The following ZMYM2 variants were observed in gnomAD, a reference collection of about 807,000 sequenced individuals.
The protein encoded by ZMYM2 is zinc finger MYM-type containing 2, also known as zinc finger MYM-type protein 2.
Under a neutral mutation model 162.8 loss-of-function variants are expected in ZMYM2, and 56 were observed. The ratio of observed to expected loss-of-function variants is 0.34; its 90% confidence interval spans 0.28 to 0.43. The LOEUF (loss-of-function observed/expected upper bound fraction) is 0.43. ZMYM2 is among the 20% of genes least tolerant of loss of function. The pLI, the probability that ZMYM2 is intolerant of heterozygous loss-of-function variation, is 1.00. For synonymous variants in ZMYM2, 510 were observed against 541.6 expected (o/e 0.94, Z 0.81); for missense variants, 1,275 against 1,621.8 (o/e 0.79, Z 3.67).
chr13:20,059,703 AATATGGGCGGCCCTCT>A lies in ZMYM2; in HGVS notation c.2739+146_2739+161del, dbSNP rs1956088319. 1.7e-5 allele frequency: 11 copies of A among 647,222 alleles called. No individual in the cohort carries two copies. The South Asian group carries it at 1.9e-4, about 11-fold the overall frequency. The allele number at this position is 647,222 out of a possible 1,614,324, so 40.1% of individuals were successfully genotyped here. On this transcript the variant is annotated intron_variant, in intron 16 of 24. Coordinates refer to ENST00000610343, the MANE Select transcript of ZMYM2 (RefSeq NM_197968.4). Reference sequence around the variant, plus strand: ...GGATGATTTTTTTTTTTCCCCAATAAATATGGGCGGCCCTCTATATTGGCAGGTTCCACATCCGTGA... The same window carrying A: ...GGATGATTTTTTTTTTTCCCCAATAAATATTGGCAGGTTCCACATCCGTGA...
chr13:19,987,703 A>G (rs1481830967), intron 2 of ZMYM2, among the ~76,000 whole-genome samples: 2 of 146,514 alleles, frequency 1.4e-5, no homozygotes, highest in Admixed American at 6.9e-5. Context: ...CTGGTCTCGA[A>G]CTCCTGAGCT....
chr13:20,020,229 C>T (rs1951955149), intron 7 of ZMYM2, among the ~76,000 whole-genome samples: 1 of 147,152 alleles, frequency 6.8e-6, no homozygotes, highest in African/African-American at 2.4e-5. Context: ...ATTATTATTC[C>T]TCTTCTTTTT....
At position 20,004,956 on chromosome 13, in the gene ZMYM2, T is replaced by G. The variant is rs915628274; in HGVS notation, c.1134-118T>G. 5.5e-6 allele frequency: 4 copies of G among 722,420 alleles called. No homozygotes were observed. In the South Asian group the frequency reaches 1.0e-4, roughly 19 times the overall value. The allele number at this position is 722,420 out of a possible 1,614,324, so 44.8% of individuals were successfully genotyped here. A position where few individuals can be genotyped will look rare whatever the true frequency, so the allele number is the denominator to read the frequency against. The stretch of plus-strand genomic sequence containing the variant: ...TGTCTAATAAAAATGATTTATTAGA[T>G]CCAAGAATGATGTTTGATTTGCAGG... On this transcript the variant is annotated intron_variant, in intron 4 of 24. Transcript: ENST00000610343.
chr13:19,995,474 A>T (rs918811121), intron 3 of ZMYM2, among the ~76,000 whole-genome samples: 1 of 152,184 alleles, frequency 6.6e-6, no homozygotes, highest in African/African-American at 2.4e-5. Context: ...GCAGTGGTGC[A>T]ATCTCGGCTG....
intron 6 of ZMYM2, among the ~76,000 whole-genome samples, chr13:20,013,628 T>C (rs1222355376): frequency 6.6e-6 from 1 of 152,190 alleles, no homozygotes; most frequent in African/African-American, 2.4e-5. Context: ...TTATTCAGTT[T>C]TTTTAATCAT....
the ZMYM2 span, among the ~76,000 whole-genome samples, chr13:19,900,342 T>C: frequency 2.6e-5 from 4 of 152,060 alleles, no homozygotes; most frequent in African/African-American, 9.7e-5. Flanking sequence ...AGATAACCGA[T>C]ATAAAATGGA....
chr13:20,083,267 G>C (rs1218268008), intron 23 of ZMYM2, among the ~76,000 whole-genome samples: 1 of 152,128 alleles, frequency 6.6e-6, no homozygotes, highest in Admixed American at 6.5e-5. Flanking sequence ...TCTCCATGTT[G>C]GTGAGGCTGG....
chr13:20,009,352 A>G (rs910666022), intron 6 of ZMYM2, among the ~76,000 whole-genome samples: 1 of 152,200 alleles, frequency 6.6e-6, no homozygotes, highest in Non-Finnish European at 1.5e-5. Context: ...TGCTATTTAA[A>G]CAATTCCAGA....
chr13:19,974,281 T>C (rs947085765), intron 2 of ZMYM2, among the ~76,000 whole-genome samples: 2 of 152,212 alleles, frequency 1.3e-5, no homozygotes, highest in African/African-American at 2.4e-5. Flanking sequence ...TGCATTGTTT[T>C]ATACCTTGCT....
chr13:19,988,873 T>G (rs971251122), intron 2 of ZMYM2, among the ~76,000 whole-genome samples: 2 of 152,212 alleles, frequency 1.3e-5, no homozygotes, highest in African/African-American at 4.8e-5. Context: ...GCATCTCTTT[T>G]TGTATCTGGA....
At position 20,026,649 on chromosome 13, in the gene ZMYM2, C is replaced by T; in HGVS notation, c.1622C>T (p.Thr541Ile). 1.9e-6 allele frequency: 3 copies of T among 1,608,150 alleles called. No homozygotes were observed. Among genetic ancestry groups the T allele is most frequent in the Non-Finnish European group, 2.5e-6 (3 of 1,178,578 alleles). ...CTGACAACTTGTACTGGTTGCCGAA[C>T]ACAGTGCAGGTTTTTTGATATGACT... ...GKLTTCTGCR[T>I]QCRFFDMTQC... The change falls in exon 8 of 25, where the codon ACA becomes ATA. Residue 541 changes from threonine (T) to isoleucine (I), a missense_variant. By Grantham distance (89) the Thr-to-Ile change is moderately conservative. This residue lies in a region of ZMYM2 where 276 missense variants were observed against 311.8 expected (regional missense o/e 0.89). Coordinates refer to ENST00000610343, the MANE Select transcript of ZMYM2 (RefSeq NM_197968.4).
intron 21 of ZMYM2, among the ~76,000 whole-genome samples, chr13:20,072,783 A>G (rs997004165): frequency 6.6e-6 from 1 of 152,074 alleles, no homozygotes; most frequent in African/African-American, 2.4e-5. Context: ...CACTTTTAGC[A>G]ATTTTGTCTT....
chr13:20,020,440 C>G (rs751135434), intron 7 of ZMYM2, among the ~76,000 whole-genome samples: 1 of 151,880 alleles, frequency 6.6e-6, no homozygotes, highest in Non-Finnish European at 1.5e-5. Context: ...TTCTCCATGT[C>G]GGTCAGGCTC....
chr13:19,893,209 G>A, the ZMYM2 span, among the ~76,000 whole-genome samples: 7 of 150,870 alleles, frequency 4.6e-5, no homozygotes, highest in East Asian at 2.0e-4. Context: ...GAGGTGGGCC[G>A]ATCATGAGGT....
chr13:19,881,650 T>C, the ZMYM2 span, among the ~76,000 whole-genome samples: 15 of 149,848 alleles, frequency 1.0e-4, no homozygotes, highest in Non-Finnish European at 2.1e-4. Flanking sequence ...AAAAATAAAA[T>C]AAAACAAATG....
the ZMYM2 span, among the ~76,000 whole-genome samples, chr13:19,906,284 GTATA>G: frequency 0.028 from 1,778 of 63,756 alleles, 40 homozygotes; most frequent in South Asian, 0.036. Context: ...TCAAAAAAAA[GTATA>G]TATATATATA....
At chr13:20,030,611 G>A (rs928096890) in intron 9 of ZMYM2, among the ~76,000 whole-genome samples, 2 of 152,084 alleles carry the variant, frequency 1.3e-5, no homozygotes, top group South Asian at 2.1e-4. Context: ...TGTTAGCCAG[G>A]ATGGTCTCGA....
chr13:19,930,832 C>T, the ZMYM2 span, among the ~76,000 whole-genome samples: 2 of 151,474 alleles, frequency 1.3e-5, no homozygotes, highest in Admixed American at 6.6e-5. Flanking sequence ...AGCCACCTCA[C>T]CTGGACCCTT....
At chr13:20,078,907 A>G (rs1009833642) in intron 21 of ZMYM2, among the ~76,000 whole-genome samples, 1 of 152,102 alleles carries the variant, frequency 6.6e-6, no homozygotes, top group Admixed American at 6.6e-5. Context: ...ACTGCTCTTT[A>G]CAGATGTTCC....
Sources: gnomAD v4.1 joint callset for allele counts (sites outside exome capture counted in the v4.1 genomes callset) on GRCh38, gnomAD v4.1.1 for gene constraint, gnomAD v4.1.1 regional missense constraint, MANE v1.5 for transcripts, NCBI Gene and HGNC (gene_info 2026-07-23, HGNC 2026-07-21) for gene names.